LRRTM4: variants seen among roughly 807,000 people sequenced by gnomAD.
LRRTM4 encodes the protein leucine-rich repeat transmembrane neuronal protein 4.
Under a neutral mutation model 47.6 loss-of-function variants are expected in LRRTM4, and 25 were observed. The ratio of observed to expected loss-of-function variants is 0.53; its 90% confidence interval spans 0.38 to 0.73. LRRTM4 has a LOEUF of 0.73. LRRTM4 is among the 30% of genes least tolerant of loss of function. The pLI, the probability that LRRTM4 is intolerant of heterozygous loss-of-function variation, is 0.00. For missense variants in LRRTM4, 638 were observed against 713.4 expected, an observed-to-expected ratio of 0.89 and a Z score of 1.20; for synonymous variants, 311 against 269.5, an observed-to-expected ratio of 1.15 and a Z score of -1.51.
chr2:76,868,556 A>T (rs924688368), intron 3 of LRRTM4, among the ~76,000 whole-genome samples: 5 of 152,178 alleles, frequency 3.3e-5, no homozygotes, highest in Non-Finnish European at 5.9e-5. Flanking sequence ...TTAGGATTAT[A>T]TTAGAGACAG....
intron 3 of LRRTM4, among the ~76,000 whole-genome samples, chr2:76,854,782 A>T (rs935702409): frequency 1.3e-5 from 2 of 151,642 alleles, no homozygotes; most frequent in African/African-American, 4.9e-5. Context: ...TTTGGGATAC[A>T]TCATTGAATG....
chr2:76,898,793 TATATA>T (rs1209280674), intron 3 of LRRTM4, among the ~76,000 whole-genome samples: 5 of 151,070 alleles, frequency 3.3e-5, no homozygotes, highest in African/African-American at 1.2e-4. Context: ...CTATACATTA[TATATA>T]ATAGAGATTT....
intron 3 of LRRTM4, among the ~76,000 whole-genome samples, chr2:77,071,816 A>C (rs1680163050): frequency 6.6e-6 from 1 of 152,220 alleles, no homozygotes; most frequent in African/African-American, 2.4e-5. Flanking sequence ...TGATAAAGAA[A>C]AATCTTCAAA....
At chr2:77,278,783 T>C (rs920373844) in intron 3 of LRRTM4, among the ~76,000 whole-genome samples, 1 of 151,984 alleles carries the variant, frequency 6.6e-6, no homozygotes, top group Non-Finnish European at 1.5e-5. Flanking sequence ...ATGTGGACTC[T>C]ACCACTTTCT....
intron 3 of LRRTM4, among the ~76,000 whole-genome samples, chr2:77,113,927 G>A (rs545867972): frequency 5.9e-5 from 9 of 152,166 alleles, no homozygotes; most frequent in African/African-American, 1.4e-4. Flanking sequence ...TCGGGGCCGC[G>A]GAAGCTGCAA....
intron 3 of LRRTM4, among the ~76,000 whole-genome samples, chr2:77,015,407 GC>G (rs1678027101): frequency 6.6e-6 from 1 of 152,030 alleles, no homozygotes; most frequent in South Asian, 2.1e-4. Context: ...TGCGATCTTA[GC>G]TCACTGCAAC....
intron 3 of LRRTM4, among the ~76,000 whole-genome samples, chr2:77,006,364 TAA>T: frequency 6.6e-6 from 1 of 152,254 alleles, no homozygotes; most frequent in Admixed American, 6.5e-5. Context: ...AATCACATAC[TAA>T]AGAGATGTTC....
intron 3 of LRRTM4, among the ~76,000 whole-genome samples, chr2:76,799,895 G>A (rs2103764092): frequency 2.0e-5 from 3 of 150,092 alleles, no homozygotes; most frequent in Middle Eastern, 6.8e-3. Flanking sequence ...CAACTTACAA[G>A]GGATGAGAAG....
chr2:76,802,844 A>G (rs1675772375), intron 3 of LRRTM4, among the ~76,000 whole-genome samples: 1 of 152,144 alleles, frequency 6.6e-6, no homozygotes, highest in African/African-American at 2.4e-5. Flanking sequence ...AGAATTCACG[A>G]TGGAGAAAGG....
At chr2:77,209,997 G>A (rs545417928) in intron 3 of LRRTM4, among the ~76,000 whole-genome samples, 1 of 152,200 alleles carries the variant, frequency 6.6e-6, no homozygotes, top group African/African-American at 2.4e-5. Context: ...AAAGCTCTCT[G>A]CCTAGATTTA....
intron 3 of LRRTM4, among the ~76,000 whole-genome samples, chr2:77,050,464 C>A (rs980778535): frequency 4.6e-5 from 7 of 152,116 alleles, no homozygotes; most frequent in Non-Finnish European, 7.3e-5. Context: ...GGACTTGAAG[C>A]TTGAATCTAT....
At chr2:77,021,763 G>A (rs1678278725) in intron 3 of LRRTM4, among the ~76,000 whole-genome samples, 1 of 152,060 alleles carries the variant, frequency 6.6e-6, no homozygotes, top group Non-Finnish European at 1.5e-5. Context: ...TTTTGAAAGT[G>A]GTTATTTAGC....
intron 3 of LRRTM4, among the ~76,000 whole-genome samples, chr2:76,938,584 G>A (rs1008934872): frequency 1.3e-5 from 2 of 152,026 alleles, no homozygotes; most frequent in African/African-American, 4.8e-5. Flanking sequence ...ATAAGCTTCA[G>A]TGAACAAAAT....
intron 3 of LRRTM4, among the ~76,000 whole-genome samples, chr2:77,217,093 G>C (rs1268802770): frequency 6.7e-6 from 1 of 150,364 alleles, no homozygotes; most frequent in Non-Finnish European, 1.5e-5. Flanking sequence ...AAAAGGGAGG[G>C]CACATCCTAG....
chr2:77,114,069 A>C (rs1671324259), intron 3 of LRRTM4, among the ~76,000 whole-genome samples: 1 of 152,118 alleles, frequency 6.6e-6, no homozygotes, highest in South Asian at 2.1e-4. Flanking sequence ...CTGATCAGAT[A>C]ACGAAGGCCC....
chr2:76,810,954 T>C (rs368893151), intron 3 of LRRTM4, among the ~76,000 whole-genome samples: 8 of 152,166 alleles, frequency 5.3e-5, no homozygotes, highest in Admixed American at 3.3e-4. Context: ...CCTGGTGATA[T>C]TGTAACCACT....
intron 3 of LRRTM4, among the ~76,000 whole-genome samples, chr2:77,358,461 AG>A (rs1672054064): frequency 6.6e-6 from 1 of 152,190 alleles, no homozygotes; most frequent in Non-Finnish European, 1.5e-5. Flanking sequence ...GCCACTCATA[AG>A]GAATCCAGCC....
intron 3 of LRRTM4, among the ~76,000 whole-genome samples, chr2:77,270,099 T>C (rs773267166): frequency 6.6e-6 from 1 of 152,326 alleles, no homozygotes; most frequent in South Asian, 2.1e-4. Context: ...GATTTATTGA[T>C]AAGGCAGCAC....
At position 76,858,496 on chromosome 2, in the gene LRRTM4, G is replaced by C. The variant is rs148648102; in HGVS notation, c.1552-109580C>G. Reference sequence around the variant, plus strand: ...ATAACATCAGCTCTCCTAGGTCCTCGGGGAGGAGTGGGGCTATATGTTTTG... The same window carrying C: ...ATAACATCAGCTCTCCTAGGTCCTCCGGGAGGAGTGGGGCTATATGTTTTG... On this transcript the variant is annotated intron_variant, in intron 3 of 3. Coordinates refer to ENST00000409884, the MANE Select transcript of LRRTM4 (RefSeq NM_001134745.3). Among the ~76,000 whole-genome samples the C allele has an allele frequency of 3.6e-3, 552 of 152,226 alleles. 4 individuals carry two copies. Among genetic ancestry groups the C allele is most frequent in the Middle Eastern group, 0.017 (5 of 294 alleles).
Sources: allele counts gnomAD v4.1 joint callset (sites outside exome capture counted in the v4.1 genomes callset), GRCh38; gene constraint gnomAD v4.1.1; transcripts MANE v1.5; gene names NCBI Gene and HGNC (gene_info 2026-07-23, HGNC 2026-07-21).